NEURL1: variants seen among roughly 807,000 people sequenced by gnomAD.
NEURL1 encodes the protein neuralized E3 ubiquitin protein ligase 1.
In NEURL1, 26 loss-of-function variants were observed where a neutral mutation model predicts 41.2. That is an observed-to-expected ratio of 0.63 (90% CI 0.46 to 0.87). The LOEUF (loss-of-function observed/expected upper bound fraction) is 0.87. Among genes scored for constraint, NEURL1 ranks in the 40% least tolerant of loss-of-function variants. The pLI, the probability that NEURL1 is intolerant of heterozygous loss-of-function variation, is 0.00. For synonymous variants in NEURL1, 400 were observed against 402.3 expected, an observed-to-expected ratio of 0.99 and a Z score of 0.07; for missense variants, 761 against 871.1, an observed-to-expected ratio of 0.87 and a Z score of 1.59.
intron 1 of NEURL1, among the ~76,000 whole-genome samples, chr10:103,531,887 A>G (rs1179522337): frequency 6.6e-6 from 1 of 152,198 alleles, no homozygotes; most frequent in Non-Finnish European, 1.5e-5. Context: ...TTTGGCACAT[A>G]TAATTTATGA....
intron 1 of NEURL1, among the ~76,000 whole-genome samples, chr10:103,535,908 T>A (rs1254900058): frequency 2.0e-5 from 3 of 152,136 alleles, no homozygotes; most frequent in African/African-American, 7.2e-5. Context: ...TTGTTCCAAT[T>A]CCAAGATGGC....
rs1381727254 is a variant in NEURL1, at chr10:103,584,663, C to G, written c.777C>G (p.Gly259=). The change falls in exon 4 of 6, where the codon GGC becomes GGG. Residue 259 remains glycine (G), a synonymous_variant. Transcript: ENST00000369780. Reference sequence around the variant, plus strand: ...GCCTATGCGACCTCAACGTGCCGGGCGCGGACGGCGACGAGGCCGCGCCGG... The same window carrying G: ...GCCTATGCGACCTCAACGTGCCGGGGGCGGACGGCGACGAGGCCGCGCCGG... ...SVSLCDLNVP[G]ADGDEAAPAA... is the part of the protein sequence containing the mutation. 2 of 1,425,730 alleles carry G rather than the reference C, an allele frequency of 1.4e-6. No homozygotes were observed. The highest frequency in any genetic ancestry group is 3.0e-5 in the African/African-American group (2 of 66,798). 88.3% of individuals were successfully genotyped at this position (1,425,730 alleles called of 1,614,324 possible). A position where few individuals can be genotyped will look rare whatever the true frequency, so the allele number is the denominator to read the frequency against.
chr10:103,523,943 T>C (rs1413881735), intron 1 of NEURL1, among the ~76,000 whole-genome samples: 2 of 152,180 alleles, frequency 1.3e-5, no homozygotes, highest in African/African-American at 4.8e-5. Context: ...TTCCTTTCCT[T>C]TGGATATATA....
intron 1 of NEURL1, chr10:103,555,283 G>T: frequency 1.7e-6 from 2 of 1,165,788 alleles, no homozygotes; most frequent in Admixed American, 3.0e-5. Context: ...GCCCGCGGGG[G>T]AGGAGACGGG....
At chr10:103,520,920 T>A (rs1054049636) in intron 1 of NEURL1, among the ~76,000 whole-genome samples, 1 of 152,060 alleles carries the variant, frequency 6.6e-6, no homozygotes. Flanking sequence ...ATTGAGAAAC[T>A]AAACGGAAGA....
chr10:103,511,192 T>G (rs2034060882), intron 1 of NEURL1, among the ~76,000 whole-genome samples: 2 of 152,212 alleles, frequency 1.3e-5, no homozygotes, highest in Non-Finnish European at 2.9e-5. Flanking sequence ...GTCCTTTCCC[T>G]GAAGTGCAGG....
intron 1 of NEURL1, among the ~76,000 whole-genome samples, chr10:103,503,179 G>T (rs2033864347): frequency 6.6e-6 from 1 of 152,262 alleles, no homozygotes; most frequent in Non-Finnish European, 1.5e-5. Context: ...TAATGGGCCA[G>T]CCCAGGAAGT....
intron 1 of NEURL1, among the ~76,000 whole-genome samples, chr10:103,559,910 CACACACATGCACACACATATT>C (rs2035249431): frequency 6.6e-6 from 1 of 151,640 alleles, no homozygotes; most frequent in East Asian, 1.9e-4. Flanking sequence ...ACACACACAA[CACACACATGCACACACATATT>C]ACACACATGC....
intron 1 of NEURL1, among the ~76,000 whole-genome samples, chr10:103,531,978 T>C (rs969183981): frequency 1.3e-5 from 2 of 152,266 alleles, no homozygotes; most frequent in South Asian, 2.1e-4. Flanking sequence ...ACTTAAAGCC[T>C]GCTTTATCTG....
chr10:103,560,860 A>G (rs563685810), intron 1 of NEURL1, among the ~76,000 whole-genome samples: 11 of 152,348 alleles, frequency 7.2e-5, no homozygotes, highest in African/African-American at 2.4e-4. Flanking sequence ...TATCTGTGAA[A>G]TGGGACTATT....
At chr10:103,562,246 G>A (rs754149586) in intron 1 of NEURL1, among the ~76,000 whole-genome samples, 22 of 152,180 alleles carry the variant, frequency 1.4e-4, no homozygotes, top group Non-Finnish European at 2.6e-4. Context: ...AGCCAGGCGT[G>A]GTGGCTCGCG....
Position 103,590,746 on chromosome 10 carries a change from GA to G in NEURL1, c.*378del. 3.6e-6 allele frequency: 1 copy of G among 281,226 alleles called. No homozygotes were observed. The highest frequency in any genetic ancestry group is 6.8e-6 in the Non-Finnish European group (1 of 146,256). The allele number at this position is 281,226 out of a possible 1,614,324, so 17.4% of individuals were successfully genotyped here. A position where few individuals can be genotyped will look rare whatever the true frequency, so the allele number is the denominator to read the frequency against. ...CCATGTGGCACCTTTGTGAGAATTA[GA>G]AAACATGTACCTTCCTCTGGGCAGC... On this transcript the variant is annotated 3_prime_UTR_variant, in exon 6 of 6. Coordinates refer to ENST00000369780, the MANE Select transcript of NEURL1 (RefSeq NM_004210.5).
At position 103,508,132 on chromosome 10, in the gene NEURL1, G is replaced by A. The variant is rs994075649; in HGVS notation, c.85+13660G>A. On this transcript the variant is annotated intron_variant, in intron 1 of 5. Transcript: ENST00000369780. This position sits in a 1 kb window ranked among gnomAD's most constrained non-coding sequence, Gnocchi z 4.3. ...AGAACCAGGCAACAGCTGGGAAAGTGGGGAGAGGAGGAAACGCCTGTTTGT... is the reference window on the plus strand; with the variant it reads ...AGAACCAGGCAACAGCTGGGAAAGTAGGGAGAGGAGGAAACGCCTGTTTGT... Among the ~76,000 whole-genome samples, 9 of 152,238 alleles carry A rather than the reference G, an allele frequency of 5.9e-5. No individual in the cohort carries two copies. Among genetic ancestry groups the A allele is most frequent in the African/African-American group, 9.6e-5 (4 of 41,458 alleles).
chr10:103,530,300 C>A (rs1431003117), intron 1 of NEURL1, among the ~76,000 whole-genome samples: 1 of 149,870 alleles, frequency 6.7e-6, no homozygotes, highest in South Asian at 2.1e-4. Flanking sequence ...TTTTTTTTTA[C>A]TGTATTCATT....
At chr10:103,538,552 C>T (rs781442120) in intron 1 of NEURL1, among the ~76,000 whole-genome samples, 2 of 151,478 alleles carry the variant, frequency 1.3e-5, no homozygotes, top group Non-Finnish European at 2.9e-5. Flanking sequence ...GCCTGAAAGA[C>T]AGAGTGAGAC....
chr10:103,574,133 G>A (rs756400734), intron 3 of NEURL1, among the ~76,000 whole-genome samples: 142 of 152,134 alleles, frequency 9.3e-4, no homozygotes, highest in Non-Finnish European at 1.3e-3. Context: ...GGGCAGATGC[G>A]TTGTTAGATG....
intron 1 of NEURL1, among the ~76,000 whole-genome samples, chr10:103,495,705 A>G (rs1423272112): frequency 6.6e-6 from 1 of 152,148 alleles, no homozygotes; most frequent in African/African-American, 2.4e-5. Flanking sequence ...GCATTCTAAT[A>G]CTCCAGCTCT....
chr10:103,559,255 G>C (rs1388162931), intron 1 of NEURL1, among the ~76,000 whole-genome samples: 1 of 152,168 alleles, frequency 6.6e-6, no homozygotes, highest in Admixed American at 6.5e-5. Context: ...GGGGAGCTCC[G>C]GAGCTTGAAG....
rs1346095689 is a variant in NEURL1 at position 103,508,997 on chromosome 10, G to A, written c.85+14525G>A. ...CTTCACCTCCTTAGCACGAGGCTGAGGCGGGTGGATCACCTGAGGTCAGGA... is the reference window on the plus strand; with the variant it reads ...CTTCACCTCCTTAGCACGAGGCTGAAGCGGGTGGATCACCTGAGGTCAGGA... On this transcript the variant is annotated intron_variant, in intron 1 of 5. Transcript: ENST00000369780. The surrounding 1 kb of genome is among the most constrained non-coding windows in gnomAD (Gnocchi z 4.3). 6.6e-6 allele frequency among the ~76,000 whole-genome samples: 1 copy of A among 151,584 alleles called. No homozygotes were observed. The highest frequency in any genetic ancestry group is 1.5e-5 in the Non-Finnish European group (1 of 68,030).
Sources: allele counts gnomAD v4.1 joint callset (sites outside exome capture counted in the v4.1 genomes callset), GRCh38; gene constraint gnomAD v4.1.1; non-coding constraint Gnocchi (gnomAD v3.1); transcripts MANE v1.5; gene names NCBI Gene and HGNC (gene_info 2026-07-23, HGNC 2026-07-21).